Variants in MAST4 observed in about 807,000 individuals in gnomAD.
The protein encoded by MAST4 is microtubule-associated serine/threonine-protein kinase 4.
MAST4 carries 89 observed loss-of-function variants against 162.7 expected under a neutral mutation model. The ratio of observed to expected loss-of-function variants is 0.55; its 90% CI spans 0.46 to 0.65. MAST4 has a LOEUF of 0.65. Among genes scored for constraint, MAST4 ranks in the 30% least tolerant of loss-of-function variants. The pLI, the probability that MAST4 is intolerant of heterozygous loss-of-function variation, is 0.00. For synonymous variants in MAST4, 1,479 were observed against 1,361.1 expected, an observed-to-expected ratio of 1.09 and a Z score of -1.91; for missense variants, 3,153 against 3,374.0, an observed-to-expected ratio of 0.93 and a Z score of 1.62.
intron 4 of MAST4, among the ~76,000 whole-genome samples, chr5:66,919,232 TAAGAA>T (rs1326157023): frequency 6.6e-6 from 1 of 151,936 alleles, no homozygotes; most frequent in African/African-American, 2.4e-5. Context: ...AGATGATAAT[TAAGAA>T]AAGAAGGGGA....
intron 3 of MAST4, among the ~76,000 whole-genome samples, chr5:66,876,205 G>A (rs1484012659): frequency 6.6e-6 from 1 of 152,204 alleles, no homozygotes; most frequent in South Asian, 2.1e-4. Flanking sequence ...ATGAAGCAGA[G>A]ACAATAAATG....
intron 4 of MAST4, among the ~76,000 whole-genome samples, chr5:67,017,930 G>A (rs1230870907): frequency 6.6e-6 from 1 of 152,078 alleles, no homozygotes; most frequent in Non-Finnish European, 1.5e-5. Context: ...ATTTTACATA[G>A]ATTGAGCAGT....
chr5:66,951,773 TC>T (rs1744737097), intron 4 of MAST4, among the ~76,000 whole-genome samples: 1 of 152,078 alleles, frequency 6.6e-6, no homozygotes, highest in South Asian at 2.1e-4. Context: ...CTGTCATGAA[TC>T]CTTTCCACAC....
chr5:66,952,261 C>T (rs1366942537), intron 4 of MAST4, among the ~76,000 whole-genome samples: 1 of 152,128 alleles, frequency 6.6e-6, no homozygotes, highest in African/African-American at 2.4e-5. Flanking sequence ...CATAATGCCT[C>T]TGTAGGCCAA....
At chr5:66,875,360 G>A (rs1406811825) in intron 3 of MAST4, among the ~76,000 whole-genome samples, 1 of 152,046 alleles carries the variant, frequency 6.6e-6, no homozygotes, top group Admixed American at 6.6e-5. Flanking sequence ...TAGTTTTTTT[G>A]TGTTTTTACA....
intron 1 of MAST4, among the ~76,000 whole-genome samples, chr5:66,656,423 A>G (rs16895417): frequency 0.21 from 31,738 of 152,080 alleles, 3,652 homozygotes; most frequent in South Asian, 0.33. Context: ...ACCCTTTTCC[A>G]TTTAGACAGT....
intron 4 of MAST4, among the ~76,000 whole-genome samples, chr5:67,042,117 A>G (rs893552753): frequency 6.6e-6 from 1 of 152,228 alleles, no homozygotes; most frequent in Non-Finnish European, 1.5e-5. Flanking sequence ...GTATGTTCAC[A>G]TAAGAAGTAG....
At chr5:66,941,890 G>T (rs1233705086) in intron 4 of MAST4, among the ~76,000 whole-genome samples, 4 of 152,094 alleles carry the variant, frequency 2.6e-5, no homozygotes. Flanking sequence ...CATGGAGAAG[G>T]AAAGAGATGG....
At chr5:66,991,607 C>T (rs1211728764) in intron 4 of MAST4, among the ~76,000 whole-genome samples, 1 of 152,176 alleles carries the variant, frequency 6.6e-6, no homozygotes, top group Non-Finnish European at 1.5e-5. Flanking sequence ...TGAAGTATAT[C>T]CAATCCTGTT....
Position 66,889,995 on chromosome 5 carries a change from A to T in MAST4, c.643-9956A>T, listed in dbSNP as rs111314693. 7.7e-3 allele frequency among the ~76,000 whole-genome samples: 1,168 copies of T among 152,288 alleles called. 21 individuals carry two copies. The highest frequency in any genetic ancestry group is 0.027 in the African/African-American group (1,105 of 41,566). On this transcript the variant is annotated intron_variant, in intron 3 of 28. Coordinates refer to ENST00000403625, the MANE Select transcript of MAST4 (RefSeq NM_001164664.2). The stretch of plus-strand genomic sequence containing the variant: ...ACTTAAATAAGGATTGTTTTAAGCT[A>T]TGAGTTCAATTGATCTAATATGAGT...
chr5:67,024,336 T>C (rs62372484), intron 4 of MAST4, among the ~76,000 whole-genome samples: 11,522 of 140,962 alleles, frequency 0.082, 481 homozygotes, highest in Middle Eastern at 0.14. Flanking sequence ...TATATATATA[T>C]ACACACACAC....
At chr5:66,622,488 A>T (rs1341237368) in intron 1 of MAST4, among the ~76,000 whole-genome samples, 1 of 149,222 alleles carries the variant, frequency 6.7e-6, no homozygotes, top group Non-Finnish European at 1.5e-5. Flanking sequence ...TAGAAGGGTG[A>T]CAAGATCTAA....
chr5:67,147,979 T>G (rs1771313868), intron 23 of MAST4, among the ~76,000 whole-genome samples: 1 of 152,198 alleles, frequency 6.6e-6, no homozygotes, highest in South Asian at 2.1e-4. Flanking sequence ...CAGCTACCCT[T>G]AGCCTAGACC....
chr5:66,703,693 T>A (rs1008461728), intron 1 of MAST4, among the ~76,000 whole-genome samples: 1 of 152,216 alleles, frequency 6.6e-6, no homozygotes, highest in African/African-American at 2.4e-5. Flanking sequence ...TCATTTACAG[T>A]CACTCCCTGT....
At chr5:66,614,379 A>G (rs1743503513) in intron 1 of MAST4, among the ~76,000 whole-genome samples, 1 of 152,200 alleles carries the variant, frequency 6.6e-6, no homozygotes, top group Admixed American at 6.5e-5. Context: ...CTAAATATTC[A>G]TCTTCTCTAC....
At chr5:66,994,914 G>T (rs1315303793) in intron 4 of MAST4, among the ~76,000 whole-genome samples, 1 of 152,030 alleles carries the variant, frequency 6.6e-6, no homozygotes, top group African/African-American at 2.4e-5. Flanking sequence ...CTTTTTCATT[G>T]TACAACATGA....
At chr5:67,106,367 A>G (rs751600834) in intron 10 of MAST4, among the ~76,000 whole-genome samples, 9 of 152,154 alleles carry the variant, frequency 5.9e-5, no homozygotes, top group Non-Finnish European at 7.3e-5. Context: ...ACTAGACAGC[A>G]TTTCCTCAAC....
At chr5:66,959,735 G>A (rs1241581826) in intron 4 of MAST4, among the ~76,000 whole-genome samples, 2 of 152,214 alleles carry the variant, frequency 1.3e-5, no homozygotes, top group African/African-American at 4.8e-5. Context: ...TTCATTAGAT[G>A]TGATCCATGT....
intron 4 of MAST4, among the ~76,000 whole-genome samples, chr5:67,008,576 T>G (rs1028265442): frequency 6.6e-6 from 1 of 152,244 alleles, no homozygotes; most frequent in African/African-American, 2.4e-5. Flanking sequence ...TTAACCTTAA[T>G]GTTTAGAAAT....
Sources: allele counts gnomAD v4.1 joint callset (sites outside exome capture counted in the v4.1 genomes callset), GRCh38; gene constraint gnomAD v4.1.1; transcripts MANE v1.5; gene names NCBI Gene and HGNC (gene_info 2026-07-23, HGNC 2026-07-21).